Variants in CDH4 observed in about 807,000 individuals in gnomAD.
CDH4 encodes the protein cadherin 4, also known as cadherin-4.
A neutral mutation model predicts 86.0 loss-of-function variants in CDH4; 33 were observed. The ratio of observed to expected loss-of-function variants is 0.38; its 90% CI spans 0.29 to 0.51. The LOEUF (loss-of-function observed/expected upper bound fraction) is 0.51, where lower values mean the gene tolerates loss of function less well. Ranked by LOEUF, CDH4 falls within the 20% of genes least tolerant of loss-of-function variation. The probability of loss-of-function intolerance (pLI) is 0.86; values close to 1 mark genes in which losing one functional copy is unlikely to be tolerated. For missense variants in CDH4, 1,114 were observed against 1,307.4 expected (o/e 0.85, Z 2.28); for synonymous variants, 555 against 549.4 (o/e 1.01, Z -0.14).
chr20:61,542,666 A>G (rs2086049028), intron 2 of CDH4, among the ~76,000 whole-genome samples: 1 of 152,210 alleles, frequency 6.6e-6, no homozygotes, highest in African/African-American at 2.4e-5. Flanking sequence ...TTGGAAACAC[A>G]AGGGAATATT....
intron 2 of CDH4, among the ~76,000 whole-genome samples, chr20:61,692,741 A>G (rs1248810172): frequency 6.6e-6 from 1 of 152,246 alleles, no homozygotes; most frequent in African/African-American, 2.4e-5. Context: ...GCGGCTACTC[A>G]TACACATTTC....
intron 2 of CDH4, among the ~76,000 whole-genome samples, chr20:61,547,807 G>A (rs1302874136): frequency 6.6e-6 from 1 of 152,220 alleles, no homozygotes; most frequent in East Asian, 1.9e-4. Flanking sequence ...TCCCATGCAT[G>A]GACATGTGTG....
chr20:61,719,165 C>A (rs1402187410), intron 2 of CDH4: 1 of 468,868 alleles, frequency 2.1e-6, no homozygotes, highest in Non-Finnish European at 4.4e-6. Flanking sequence ...ACATAATTGT[C>A]AGCATCCATG....
At chr20:61,396,114 A>G (rs1445815869) in intron 2 of CDH4, among the ~76,000 whole-genome samples, 3 of 152,178 alleles carry the variant, frequency 2.0e-5, no homozygotes, top group Admixed American at 1.3e-4. Context: ...CTCTTATGCT[A>G]TGACAGCAGC....
intron 2 of CDH4, among the ~76,000 whole-genome samples, chr20:61,498,316 GA>G (rs1185961866): frequency 2.0e-5 from 3 of 152,104 alleles, no homozygotes; most frequent in African/African-American, 7.2e-5. Context: ...CCAGTTAATT[GA>G]AAAAGGAGTT....
intron 2 of CDH4, among the ~76,000 whole-genome samples, chr20:61,573,253 G>C (rs1387431378): frequency 6.6e-6 from 1 of 152,238 alleles, no homozygotes; most frequent in Non-Finnish European, 1.5e-5. Context: ...CTGAAGCAAA[G>C]GGAACACCAG....
intron 4 of CDH4, among the ~76,000 whole-genome samples, chr20:61,828,696 T>A (rs1268687007): frequency 6.6e-6 from 1 of 152,260 alleles, no homozygotes; most frequent in East Asian, 1.9e-4. Flanking sequence ...TCCCAGTCTC[T>A]GCACTTCACT....
intron 2 of CDH4, among the ~76,000 whole-genome samples, chr20:61,502,118 T>C (rs558375835): frequency 2.0e-5 from 3 of 151,922 alleles, no homozygotes; most frequent in Non-Finnish European, 4.4e-5. Flanking sequence ...AGCTAAGCAG[T>C]GAGCCAGAAA....
chr20:61,538,665 C>G (rs1052183899), intron 2 of CDH4, among the ~76,000 whole-genome samples: 17 of 152,350 alleles, frequency 1.1e-4, no homozygotes, highest in East Asian at 9.7e-4. Context: ...GGCACAGCTC[C>G]CAGTCCTCCC....
intron 3 of CDH4, among the ~76,000 whole-genome samples, chr20:61,767,044 G>T (rs2145977798): frequency 6.6e-6 from 1 of 152,334 alleles, no homozygotes; most frequent in Non-Finnish European, 1.5e-5. Flanking sequence ...CTTGAGCGGG[G>T]CTTCATCCCT....
chr20:61,848,877 C>T (rs1304806268), intron 5 of CDH4, among the ~76,000 whole-genome samples: 1 of 152,184 alleles, frequency 6.6e-6, no homozygotes, highest in Non-Finnish European at 1.5e-5. Flanking sequence ...ATGGTTTTCT[C>T]CCTGCTTTGA....
At position 61,521,562 on chromosome 20, in the gene CDH4, C is replaced by A. The variant is rs540701880; in HGVS notation, c.170-222001C>A. ...GGCCGCCAAGAAAACCAGTGGTGCC[C>A]CCACTTTACAGAGGAGAGGCTGATG... is the stretch of plus-strand genomic sequence containing the variant. On this transcript the variant is annotated intron_variant, in intron 2 of 15. Coordinates refer to ENST00000614565, the MANE Select transcript of CDH4 (RefSeq NM_001794.5). 2.0e-3 allele frequency among the ~76,000 whole-genome samples: 310 copies of A among 152,292 alleles called. 1 individual carries two copies. The highest frequency in any genetic ancestry group is 6.8e-3 in the Middle Eastern group (2 of 294).
intron 2 of CDH4, among the ~76,000 whole-genome samples, chr20:61,460,741 A>G (rs1247517014): frequency 6.6e-6 from 1 of 152,150 alleles, no homozygotes; most frequent in Admixed American, 6.5e-5. Flanking sequence ...TCATGGTGGG[A>G]AAGGGAGCCG....
intron 2 of CDH4, among the ~76,000 whole-genome samples, chr20:61,566,270 G>A (rs2086297249): frequency 6.6e-6 from 1 of 152,248 alleles, no homozygotes; most frequent in South Asian, 2.1e-4. Flanking sequence ...AAGGAAAGCA[G>A]ATTGGACCAA....
intron 2 of CDH4, among the ~76,000 whole-genome samples, chr20:61,541,345 C>T (rs1413573459): frequency 6.6e-6 from 1 of 152,222 alleles, no homozygotes; most frequent in African/African-American, 2.4e-5. Flanking sequence ...TTCACCACGA[C>T]GGTTTTAGCC....
rs1489047896 is a variant in CDH4 at position 61,393,623 on chromosome 20, C to G, written c.169+138686C>G. 6.6e-6 allele frequency among the ~76,000 whole-genome samples: 1 copy of G among 152,132 alleles called. No homozygotes were observed. The highest frequency in any genetic ancestry group is 2.4e-5 in the African/African-American group (1 of 41,434). On this transcript the variant is annotated intron_variant, in intron 2 of 15. Coordinates refer to ENST00000614565, the MANE Select transcript of CDH4 (RefSeq NM_001794.5). The surrounding 1 kb of genome is among the most constrained non-coding windows in gnomAD (Gnocchi z 4.3). ...TGTTGGCAAGGTAGGTGTTGAGTAA[C>G]AGAGACCCAAAGCATAGTGGTTGCA...
rs2087023067 is a variant in CDH4 at position 61,642,656 on chromosome 20, C to A, written c.170-100907C>A. ...GCTTTTGTTTCCTATTGTGCTGTAA[C>A]AAATTACCATAAGCTGATTGCCACA... On this transcript the variant is annotated intron_variant, in intron 2 of 15. Transcript: ENST00000614565. Among the ~76,000 whole-genome samples the A allele has an allele frequency of 2.6e-5, 4 of 152,196 alleles. No homozygotes were observed. In the South Asian group the frequency reaches 8.3e-4, roughly 32 times the overall value.
chr20:61,380,523 A>ACCCCCCCCCCCCCC (rs141105277), intron 2 of CDH4, among the ~76,000 whole-genome samples: 2 of 148,844 alleles, frequency 1.3e-5, no homozygotes, highest in African/African-American at 5.0e-5. Flanking sequence ...CCATCCTACA[A>ACCCCCCCCCCCCCC]ACCCCCCTGC....
At chr20:61,545,597 A>G (rs930815671) in intron 2 of CDH4, among the ~76,000 whole-genome samples, 1 of 151,988 alleles carries the variant, frequency 6.6e-6, no homozygotes, top group African/African-American at 2.4e-5. Context: ...TCACCCTACA[A>G]ATTCATTTCT....
Sources: gnomAD v4.1 joint callset for allele counts (sites outside exome capture counted in the v4.1 genomes callset) on GRCh38, gnomAD v4.1.1 for gene constraint, Gnocchi (gnomAD v3.1) non-coding constraint, MANE v1.5 for transcripts, NCBI Gene and HGNC (gene_info 2026-07-23, HGNC 2026-07-21) for gene names.